SLC39A11: variants seen among roughly 807,000 people sequenced by gnomAD.
SLC39A11 encodes the protein solute carrier family 39 member 11.
In SLC39A11, 33 loss-of-function variants were observed where a neutral mutation model predicts 36.1. The ratio of observed to expected loss-of-function variants is 0.91; its 90% confidence interval spans 0.69 to 1.22. SLC39A11 has a LOEUF of 1.22. SLC39A11 is among the 50% of genes most tolerant of loss of function. SLC39A11 has a pLI of 0.00. For synonymous variants in SLC39A11, 166 were observed against 170.3 expected (o/e 0.97, Z 0.20); for missense variants, 432 against 430.3 (o/e 1.00, Z -0.03).
rs35969249 is a variant in SLC39A11 at position 72,799,704 on chromosome 17, G to A, written c.601+49930C>T. The stretch of plus-strand genomic sequence containing the variant: ...GGGGAAAAACTGCCCTGGTAAATTT[G>A]TGGTCAGACCGGTTCTCTGCTCTCG... On this transcript the variant is annotated intron_variant, in intron 6 of 9. Transcript: ENST00000255559. Among the ~76,000 whole-genome samples, 423 of 152,102 alleles carry A rather than the reference G, an allele frequency of 2.8e-3. 1 individual carries two copies. Among genetic ancestry groups the A allele is most frequent in the Non-Finnish European group, 4.3e-3 (294 of 67,996 alleles).
At chr17:73,006,651 A>AACAC (rs144245639) in intron 4 of SLC39A11, among the ~76,000 whole-genome samples, 2,736 of 149,074 alleles carry the variant, frequency 0.018, 53 homozygotes, top group Admixed American at 0.051. Context: ...TCAGTTTGTA[A>AACAC]ACACACACAC....
At chr17:72,680,020 C>G (rs376748105) in intron 7 of SLC39A11, among the ~76,000 whole-genome samples, 3 of 116,570 alleles carry the variant, frequency 2.6e-5, no homozygotes, top group African/African-American at 3.6e-5. Context: ...CCAGCCTGGG[C>G]GACAGAGTGA....
intron 4 of SLC39A11, among the ~76,000 whole-genome samples, chr17:73,013,908 G>C (rs1357240330): frequency 6.6e-6 from 1 of 152,172 alleles, no homozygotes; most frequent in African/African-American, 2.4e-5. Flanking sequence ...TCAGGAATCT[G>C]AGACGCAGAG....
At chr17:72,947,008 A>T (rs1039358074) in intron 5 of SLC39A11, among the ~76,000 whole-genome samples, 1 of 152,188 alleles carries the variant, frequency 6.6e-6, no homozygotes, top group African/African-American at 2.4e-5. Context: ...TCTGGCTCCA[A>T]ATTGAATCAG....
At chr17:73,003,274 G>A (rs1278833988) in intron 4 of SLC39A11, among the ~76,000 whole-genome samples, 2 of 152,222 alleles carry the variant, frequency 1.3e-5, no homozygotes, top group Non-Finnish European at 2.9e-5. Flanking sequence ...GAAATGTACA[G>A]ATCACCCCAG....
At chr17:73,061,345 G>A (rs2059833817) in intron 3 of SLC39A11, among the ~76,000 whole-genome samples, 1 of 152,052 alleles carries the variant, frequency 6.6e-6, no homozygotes, top group Admixed American at 6.6e-5. Flanking sequence ...GGGCAACAGG[G>A]CAAGACTCTG....
chr17:72,775,873 G>A (rs2076115020), intron 6 of SLC39A11, among the ~76,000 whole-genome samples: 1 of 152,190 alleles, frequency 6.6e-6, no homozygotes, highest in Non-Finnish European at 1.5e-5. Context: ...GCCCCGGCCG[G>A]CTTCGTATCT....
intron 6 of SLC39A11, among the ~76,000 whole-genome samples, chr17:72,766,550 G>C (rs369550249): frequency 1.5e-4 from 23 of 152,096 alleles, no homozygotes; most frequent in Admixed American, 1.4e-3. Context: ...CAGCCTTGGG[G>C]CCCTACTTAT....
chr17:72,808,156 G>A (rs1221985033), intron 6 of SLC39A11, among the ~76,000 whole-genome samples: 1 of 152,216 alleles, frequency 6.6e-6, no homozygotes, highest in Non-Finnish European at 1.5e-5. Flanking sequence ...AAAGCATTAA[G>A]AAATGGACCA....
At chr17:72,682,119 G>GTGTGCTCCTTATGAGACTCTAGTGCC (rs576329465) in intron 7 of SLC39A11, among the ~76,000 whole-genome samples, 5,804 of 152,206 alleles carry the variant, frequency 0.038, 359 homozygotes, top group African/African-American at 0.13. Context: ...GACCTACGTT[G>GTGTGCTCCTTATGAGACTCTAGTGCC]TGATGATCGG....
At chr17:72,673,685 T>C (rs1383664792) in intron 7 of SLC39A11, among the ~76,000 whole-genome samples, 1 of 152,202 alleles carries the variant, frequency 6.6e-6, no homozygotes, top group East Asian at 1.9e-4. Flanking sequence ...TGTATTCCAT[T>C]TGGGCTCCCC....
rs1261906858 is a variant in SLC39A11, at chr17:72,647,062, C to A, written c.*522G>T. ...AAAGGAAGACATGCTCCTCTCTGGG[C>A]TGGCTCGGCCTTGGAAGGTAGCTTG... On this transcript the variant is annotated 3_prime_UTR_variant, in exon 10 of 10. Coordinates refer to ENST00000255559, the MANE Select transcript of SLC39A11 (RefSeq NM_139177.4). The A allele has an allele frequency of 6.6e-6, 1 of 151,840 alleles. No homozygotes were observed. Among genetic ancestry groups the A allele is most frequent in the Non-Finnish European group, 1.5e-5 (1 of 68,104 alleles). The allele number at this position is 151,840 out of a possible 1,614,324, so 9.4% of individuals were successfully genotyped here. A position where few individuals can be genotyped will look rare whatever the true frequency, so the allele number is the denominator to read the frequency against.
chr17:72,948,339 G>A (rs1028823477), intron 4 of SLC39A11, among the ~76,000 whole-genome samples: 2 of 150,850 alleles, frequency 1.3e-5, no homozygotes, highest in East Asian at 3.9e-4. Context: ...AAGCGTCATC[G>A]CCGCACGCAC....
intron 6 of SLC39A11, among the ~76,000 whole-genome samples, chr17:72,748,096 T>A: frequency 6.6e-6 from 1 of 151,846 alleles, no homozygotes; most frequent in Non-Finnish European, 1.5e-5. Flanking sequence ...CCGAGGCGGG[T>A]GGATCACCTG....
At chr17:72,656,599 C>T (rs552956132) in intron 7 of SLC39A11, among the ~76,000 whole-genome samples, 135 of 152,064 alleles carry the variant, frequency 8.9e-4, no homozygotes, top group South Asian at 2.1e-3. Context: ...GGTTGGGCTG[C>T]ACCAGCAAGG....
At chr17:72,881,087 G>A (rs926930090) in intron 5 of SLC39A11, among the ~76,000 whole-genome samples, 12 of 151,396 alleles carry the variant, frequency 7.9e-5, no homozygotes, top group Admixed American at 5.3e-4. Flanking sequence ...AAAGCACTTC[G>A]GAAGACAGTT....
chr17:72,842,197 C>G (rs1249632386), intron 6 of SLC39A11, among the ~76,000 whole-genome samples: 1 of 151,872 alleles, frequency 6.6e-6, no homozygotes. Flanking sequence ...AACACACAAA[C>G]AGGTAATTGT....
intron 7 of SLC39A11, among the ~76,000 whole-genome samples, chr17:72,724,770 C>T (rs992307511): frequency 3.2e-4 from 48 of 151,018 alleles, no homozygotes; most frequent in African/African-American, 1.1e-3. Context: ...CCAGAGTGTT[C>T]GCTTAGGAAC....
At chr17:72,866,919 A>G (rs1567851098) in intron 5 of SLC39A11, among the ~76,000 whole-genome samples, 1 of 152,226 alleles carries the variant, frequency 6.6e-6, no homozygotes, top group South Asian at 2.1e-4. Flanking sequence ...AAGAGATATT[A>G]TAAGAGAAAT....
Sources: allele counts gnomAD v4.1 joint callset (sites outside exome capture counted in the v4.1 genomes callset), GRCh38; gene constraint gnomAD v4.1.1; transcripts MANE v1.5; gene names NCBI Gene and HGNC (gene_info 2026-07-23, HGNC 2026-07-21).